Variants in GRIK3 observed in about 807,000 individuals in gnomAD.
The protein encoded by GRIK3 is glutamate receptor ionotropic, kainate 3.
GRIK3 carries 29 observed loss-of-function variants against 102.5 expected under a neutral mutation model. The observed-to-expected ratio is 0.28, with a 90% CI of 0.21 to 0.39. GRIK3 has a LOEUF of 0.39. GRIK3 is among the 10% of genes least tolerant of loss of function. The pLI is 1.00. For synonymous variants in GRIK3, 511 were observed against 504.9 expected, an observed-to-expected ratio of 1.01 and a Z score of -0.16; for missense variants, 908 against 1,252.4, an observed-to-expected ratio of 0.73 and a Z score of 4.15.
intron 9 of GRIK3, among the ~76,000 whole-genome samples, chr1:36,843,042 T>C (rs1640479201): frequency 6.6e-6 from 1 of 152,106 alleles, no homozygotes; most frequent in Admixed American, 6.6e-5. Flanking sequence ...ATAGGGAGCC[T>C]GGGACCGGAT....
chr1:36,862,301 G>T (rs898966976), intron 5 of GRIK3, among the ~76,000 whole-genome samples: 2 of 152,102 alleles, frequency 1.3e-5, no homozygotes, highest in African/African-American at 4.8e-5. Flanking sequence ...TCTGTGTTTT[G>T]TCTTTTTTCT....
At position 36,841,950 on chromosome 1, in the gene GRIK3, A is replaced by G. The variant is rs1180356979; in HGVS notation, c.1327-11T>C. ...GACGAAGGGCTCCTCCTGCAGAGAC[A>G]GATGGGCAGGGTGTGACGAAGACTG... On this transcript the variant is annotated splice_polypyrimidine_tract_variant and intron_variant, in intron 9 of 15. Transcript: ENST00000373091. 6.2e-7 allele frequency: 1 copy of G among 1,611,420 alleles called. No individual in the cohort carries two copies. Among genetic ancestry groups the G allele is most frequent in the East Asian group, 2.2e-5 (1 of 44,884 alleles).
intron 13 of GRIK3, among the ~76,000 whole-genome samples, chr1:36,812,179 G>A (rs1642569609): frequency 6.6e-6 from 1 of 152,092 alleles, no homozygotes; most frequent in African/African-American, 2.4e-5. Flanking sequence ...TCATGCAGCT[G>A]GGAGGCAGGG....
At chr1:36,871,017 C>G (rs901019925) in intron 4 of GRIK3, among the ~76,000 whole-genome samples, 3 of 152,126 alleles carry the variant, frequency 2.0e-5, no homozygotes, top group African/African-American at 7.2e-5. Context: ...TCCTCGACAG[C>G]AGCTTTAAAG....
At chr1:36,855,089 C>T (rs1640635329) in intron 7 of GRIK3, among the ~76,000 whole-genome samples, 1 of 152,174 alleles carries the variant, frequency 6.6e-6, no homozygotes, top group Non-Finnish European at 1.5e-5. Flanking sequence ...AACAAATGTG[C>T]ACTTGGGAGC....
At position 37,008,043 on chromosome 1, in the gene GRIK3, G is replaced by C. The variant is rs375276588; in HGVS notation, c.115+25951C>G. Reference sequence around the variant, plus strand: ...ACGTGCCCAGCACAAACCTCCAAGAGAAACACCTTGTGTCTCACCTCCACC... The same window carrying C: ...ACGTGCCCAGCACAAACCTCCAAGACAAACACCTTGTGTCTCACCTCCACC... On this transcript the variant is annotated intron_variant, in intron 1 of 15. Transcript: ENST00000373091. Among the ~76,000 whole-genome samples, 38 of 152,318 alleles carry C rather than the reference G, an allele frequency of 2.5e-4. 1 individual carries two copies. The South Asian group carries it at 7.2e-3, about 29-fold the overall frequency.
chr1:36,977,316 G>A (rs970474097), intron 1 of GRIK3, among the ~76,000 whole-genome samples: 1 of 152,186 alleles, frequency 6.6e-6, no homozygotes, highest in Non-Finnish European at 1.5e-5. Context: ...CCCTCTTGGA[G>A]ATGTATAAGA....
chr1:37,007,258 A>C (rs1190484405), intron 1 of GRIK3, among the ~76,000 whole-genome samples: 1 of 152,236 alleles, frequency 6.6e-6, no homozygotes, highest in Non-Finnish European at 1.5e-5. Flanking sequence ...GCAGGTGAGG[A>C]AACTGAGGCA....
At chr1:36,854,639 C>G (rs1640629618) in intron 7 of GRIK3, among the ~76,000 whole-genome samples, 1 of 152,154 alleles carries the variant, frequency 6.6e-6, no homozygotes, top group Admixed American at 6.5e-5. Context: ...TGTGCTGCAA[C>G]TATGGAGTTG....
chr1:36,908,071 A>T (rs1641305409), intron 1 of GRIK3, among the ~76,000 whole-genome samples: 2 of 152,008 alleles, frequency 1.3e-5, no homozygotes, highest in Admixed American at 1.3e-4. Flanking sequence ...GCCCCTCCCC[A>T]CACTCCCCAC....
At position 36,842,210 on chromosome 1, in the gene GRIK3, G is replaced by A. The variant is rs556327352; in HGVS notation, c.1327-271C>T. Among the ~76,000 whole-genome samples the A allele has an allele frequency of 2.1e-4, 32 of 152,280 alleles. No homozygotes were observed. In the East Asian group the frequency reaches 6.0e-3, roughly 28 times the overall value. On this transcript the variant is annotated intron_variant, in intron 9 of 15. Coordinates refer to ENST00000373091, the MANE Select transcript of GRIK3 (RefSeq NM_000831.4). Reference sequence around the variant, plus strand: ...GTGGTTACAGAGCTAGTGAGCGGTGGAGCAGGGCTTTGAACTGGAGACCCA... The same window carrying A: ...GTGGTTACAGAGCTAGTGAGCGGTGAAGCAGGGCTTTGAACTGGAGACCCA...
chr1:36,918,261 CAGCAACCCT>C (rs1641423861), intron 1 of GRIK3, among the ~76,000 whole-genome samples: 1 of 152,132 alleles, frequency 6.6e-6, no homozygotes, highest in African/African-American at 2.4e-5. Flanking sequence ...TTAATCCTCA[CAGCAACCCT>C]AGCAGGTAGA....
intron 1 of GRIK3, among the ~76,000 whole-genome samples, chr1:37,022,225 G>T (rs376358014): frequency 6.6e-6 from 1 of 152,212 alleles, no homozygotes; most frequent in Non-Finnish European, 1.5e-5. Context: ...CCTGACCTAT[G>T]ATGGGCAGCA....
chr1:36,890,844 A>G (rs939591947), intron 2 of GRIK3, 76 bp downstream of exon 2: 113 of 1,210,116 alleles, frequency 9.3e-5, no homozygotes, highest in Admixed American at 3.5e-4. Context: ...GCCCATTCCC[A>G]GGATCTTGGA....
At chr1:36,997,520 G>A (rs1218413557) in intron 1 of GRIK3, among the ~76,000 whole-genome samples, 1 of 152,228 alleles carries the variant, frequency 6.6e-6, no homozygotes, top group Non-Finnish European at 1.5e-5. Flanking sequence ...GGGCAGGGGG[G>A]CACGCGAGCT....
chr1:36,979,347 T>C (rs1435019635), intron 1 of GRIK3, among the ~76,000 whole-genome samples: 2 of 152,278 alleles, frequency 1.3e-5, no homozygotes, highest in Non-Finnish European at 2.9e-5. Context: ...TGTCCAGTTC[T>C]GGTCCATCCA....
At chr1:36,829,366 G>C (rs528172059) in intron 10 of GRIK3, among the ~76,000 whole-genome samples, 2 of 151,850 alleles carry the variant, frequency 1.3e-5, no homozygotes, top group Non-Finnish European at 2.9e-5. Context: ...AAGTCTATTC[G>C]AGGAATACAT....
chr1:36,911,065 G>A (rs1641340292), intron 1 of GRIK3, among the ~76,000 whole-genome samples: 1 of 152,194 alleles, frequency 6.6e-6, no homozygotes, highest in Admixed American at 6.5e-5. Context: ...ACCAGCAGGG[G>A]CACTGGCCTT....
intron 1 of GRIK3, among the ~76,000 whole-genome samples, chr1:36,909,459 TG>T (rs1043026164): frequency 6.6e-6 from 1 of 152,044 alleles, no homozygotes; most frequent in Non-Finnish European, 1.5e-5. Context: ...CCACCATGCC[TG>T]GCTAATTTTT....
Sources: gnomAD v4.1 joint callset for allele counts (sites outside exome capture counted in the v4.1 genomes callset) on GRCh38, gnomAD v4.1.1 for gene constraint, MANE v1.5 for transcripts, NCBI Gene and HGNC (gene_info 2026-07-23, HGNC 2026-07-21) for gene names.